RBM19: variants seen among roughly 807,000 people sequenced by gnomAD.
RBM19 encodes the protein RNA binding motif protein 19.
Under a neutral mutation model 116.8 loss-of-function variants are expected in RBM19, and 94 were observed. That is an observed-to-expected ratio of 0.80 (90% confidence interval 0.68 to 0.95). The LOEUF (loss-of-function observed/expected upper bound fraction) is 0.95. Ranked by LOEUF, RBM19 falls within the 40% of genes least tolerant of loss-of-function variation. RBM19 has a pLI of 0.00. For missense variants in RBM19, 1,161 were observed against 1,220.7 expected (o/e 0.95, Z 0.73); for synonymous variants, 475 against 494.1 (o/e 0.96, Z 0.51).
intron 18 of RBM19, among the ~76,000 whole-genome samples, chr12:113,921,677 C>T (rs1454887459): frequency 1.3e-5 from 2 of 152,202 alleles, no homozygotes; most frequent in African/African-American, 2.4e-5. Context: ...AGTGCCACCC[C>T]ATGGCGACTT....
At chr12:113,915,735 T>A (rs745540134) in intron 20 of RBM19, among the ~76,000 whole-genome samples, 11 of 152,236 alleles carry the variant, frequency 7.2e-5, no homozygotes, top group Non-Finnish European at 1.3e-4. Context: ...GGGCCTCCAT[T>A]TCTTCCACTG....
chr12:113,922,009 C>A (rs1476875138), intron 18 of RBM19, among the ~76,000 whole-genome samples: 1 of 152,156 alleles, frequency 6.6e-6, no homozygotes, highest in Non-Finnish European at 1.5e-5. Flanking sequence ...GAGAGAGAGG[C>A]TGGAGTACTG....
chr12:113,938,633 C>A (rs898111266), intron 15 of RBM19, among the ~76,000 whole-genome samples: 1 of 152,200 alleles, frequency 6.6e-6, no homozygotes, highest in African/African-American at 2.4e-5. Context: ...AGGATCTTTG[C>A]AAATTTCATT....
Position 113,936,890 on chromosome 12 carries a change from A to G in RBM19, c.2068+117T>C, listed in dbSNP as rs566096449. 22 of 1,371,726 alleles carry G rather than the reference A, an allele frequency of 1.6e-5. No individual in the cohort carries two copies. The South Asian group carries it at 2.6e-4, about 16-fold the overall frequency. 85.0% of individuals were successfully genotyped at this position (1,371,726 alleles called of 1,614,324 possible). On this transcript the variant is annotated intron_variant, in intron 16 of 23. Transcript: ENST00000261741. ...GAGAGTCTGAGCCCTGCTGGTCTCT[A>G]GCATGAACAAAGAGCTTTAAACCAG...
intron 23 of RBM19, among the ~76,000 whole-genome samples, chr12:113,839,274 G>T (rs2135709324): frequency 6.6e-6 from 1 of 152,328 alleles, no homozygotes; most frequent in East Asian, 1.9e-4. Flanking sequence ...GAAGGGTCTG[G>T]CCAGGAGGGC....
At chr12:113,933,863 G>C (rs970467632) in intron 16 of RBM19, among the ~76,000 whole-genome samples, 25 of 152,200 alleles carry the variant, frequency 1.6e-4, no homozygotes, top group Non-Finnish European at 2.4e-4. Context: ...GCATCTGTGT[G>C]GTGTCCATCT....
chr12:113,945,924 G>C lies in RBM19; in HGVS notation c.1530C>G (p.Ser510Arg), dbSNP rs1466557945. 6.4e-6 allele frequency: 10 copies of C among 1,564,020 alleles called. No homozygotes were observed. The highest frequency in any genetic ancestry group is 7.9e-6 in the Non-Finnish European group (9 of 1,134,470). Residue 510 changes from serine (S) to arginine (R), a missense_variant and splice_region_variant, in exon 13 of 24, where the codon AGC becomes AGG. Transcript: ENST00000261741. ...TGAATAGTGTGTTCCAGTTGTGAGAGCTAAGAGGCAGAGGCAGAACAGGGA... is the reference window on the plus strand; with the variant it reads ...TGAATAGTGTGTTCCAGTTGTGAGACCTAAGAGGCAGAGGCAGAACAGGGA... ...KEAQDKANSASSHNWNTLFMG... is the reference protein window; with the variant it reads ...KEAQDKANSARSHNWNTLFMG...
intron 18 of RBM19, among the ~76,000 whole-genome samples, chr12:113,924,383 A>G (rs983582610): frequency 1.3e-5 from 2 of 152,210 alleles, no homozygotes; most frequent in African/African-American, 4.8e-5. Flanking sequence ...GGTTCCTGAT[A>G]CCATCCAGGG....
intron 16 of RBM19, 193 bp from the exon 17 acceptor site, chr12:113,927,422 A>G (rs1869186941): frequency 4.8e-6 from 3 of 627,168 alleles, no homozygotes; most frequent in Non-Finnish European, 8.1e-6. Flanking sequence ...AGACAGAGAG[A>G]AAGTCCTGCC....
chr12:113,947,463 A>C lies in RBM19; in HGVS notation c.1278T>G (p.Gly426=), dbSNP rs1366350268. Residue 426 remains glycine (G), a splice_region_variant and synonymous_variant, in exon 11 of 24, where the codon GGT becomes GGG. Transcript: ENST00000261741. ...EDLEKLFSKY[G]PLSELHYPID... ...TGGGGTAGTGGAGCTCAGACAGGGGACCTGAGGACAGGAGAAGTGTCGGTC... is the reference window on the plus strand; with the variant it reads ...TGGGGTAGTGGAGCTCAGACAGGGGCCCTGAGGACAGGAGAAGTGTCGGTC... 1 of 1,595,694 alleles carries C rather than the reference A, an allele frequency of 6.3e-7. No individual in the cohort carries two copies. The highest frequency in any genetic ancestry group is 8.6e-7 in the Non-Finnish European group (1 of 1,165,242).
chr12:113,928,638 T>TGTGC (rs1488254708), intron 16 of RBM19, among the ~76,000 whole-genome samples: 2 of 145,860 alleles, frequency 1.4e-5, no homozygotes, highest in African/African-American at 4.9e-5. Flanking sequence ...TGTGTGTGTG[T>TGTGC]GTGTGTGTGT....
chr12:113,959,166 A>T, intron 5 of RBM19, 46 bp downstream of exon 5: 1 of 1,568,060 alleles, frequency 6.4e-7, no homozygotes. Flanking sequence ...GCCCAATGGC[A>T]AGCACAGGTC....
At chr12:113,919,678 A>T (rs1268214816) in intron 19 of RBM19, among the ~76,000 whole-genome samples, 1 of 152,202 alleles carries the variant, frequency 6.6e-6, no homozygotes, top group Admixed American at 6.5e-5. Context: ...GCTAGAGAGT[A>T]TCAATCTGTC....
chr12:113,909,435 G>C (rs1473014164), intron 21 of RBM19, among the ~76,000 whole-genome samples: 2 of 152,132 alleles, frequency 1.3e-5, no homozygotes, highest in South Asian at 2.1e-4. Context: ...CCATGCGGGC[G>C]ATTTTCTCTC....
chr12:113,928,504 T>C (rs1358413900), intron 16 of RBM19, among the ~76,000 whole-genome samples: 2 of 149,894 alleles, frequency 1.3e-5, no homozygotes, highest in Non-Finnish European at 3.0e-5. Flanking sequence ...TTCTGGAGGA[T>C]GGCACTAGGG....
rs540087652 is a variant in RBM19, at chr12:113,871,289, C to G, written c.2559-12393G>C. ...CCCTTGGCCCTGCCCCGTGGCCCAG[C>G]CACTGAAAGCCTATTTACTTTTATT... is the stretch of plus-strand genomic sequence containing the variant. On this transcript the variant is annotated intron_variant, in intron 21 of 23. Coordinates refer to ENST00000261741, the MANE Select transcript of RBM19 (RefSeq NM_016196.4). Among the ~76,000 whole-genome samples the G allele has an allele frequency of 2.0e-3, 303 of 152,340 alleles. 1 individual carries two copies. The highest frequency in any genetic ancestry group is 2.0e-3 in the Non-Finnish European group (133 of 68,040).
At chr12:113,843,739 A>G (rs1048093996) in intron 23 of RBM19, among the ~76,000 whole-genome samples, 1 of 152,144 alleles carries the variant, frequency 6.6e-6, no homozygotes, top group African/African-American at 2.4e-5. Context: ...CATACTTTCC[A>G]TGTGTCCAGG....
rs766514531 is a variant in RBM19, at chr12:113,952,558, T to C, written c.954A>G (p.Lys318=). The C allele has an allele frequency of 8.9e-5, 144 of 1,613,878 alleles. No individual in the cohort carries two copies. The highest frequency in any genetic ancestry group is 6.9e-5 in the Non-Finnish European group (81 of 1,179,922). ...KNVMEFLAPL[K]PVAIRIVRNA... is the part of the protein sequence containing the mutation. ...TTCTCACAATTCGAATGGCCACTGGTTTCAGGGGTGCCAGGAATTCCATAA... is the reference window on the plus strand; with the variant it reads ...TTCTCACAATTCGAATGGCCACTGGCTTCAGGGGTGCCAGGAATTCCATAA... The change falls in exon 8 of 24, where the codon AAA becomes AAG. Residue 318 remains lysine, a synonymous_variant. Transcript: ENST00000261741.
chr12:113,850,759 C>G (rs574845647), intron 22 of RBM19, among the ~76,000 whole-genome samples: 1 of 152,364 alleles, frequency 6.6e-6, no homozygotes, highest in Admixed American at 6.5e-5. Context: ...AAGGCATTCT[C>G]CTGGCCCCTT....
Sources: allele counts gnomAD v4.1 joint callset (sites outside exome capture counted in the v4.1 genomes callset), GRCh38; gene constraint gnomAD v4.1.1; transcripts MANE v1.5; gene names NCBI Gene and HGNC (gene_info 2026-07-23, HGNC 2026-07-21).